AGBL2: variants seen among roughly 807,000 people sequenced by gnomAD.
AGBL2 encodes AGBL carboxypeptidase 2.
A neutral mutation model predicts 103.0 loss-of-function variants in AGBL2; 87 were observed. That is an observed-to-expected ratio of 0.84 (90% CI 0.71 to 1.01). The LOEUF (loss-of-function observed/expected upper bound fraction) is 1.01, where lower values mean the gene tolerates loss of function less well. Among genes scored for constraint, AGBL2 ranks in the 50% least tolerant of loss-of-function variants. The probability of loss-of-function intolerance (pLI) is 0.00; values close to 1 mark genes in which losing one functional copy is unlikely to be tolerated. For missense variants in AGBL2, 904 were observed against 1,023.5 expected (o/e 0.88, Z 1.59); for synonymous variants, 335 against 356.7 (o/e 0.94, Z 0.69).
intron 3 of AGBL2, among the ~76,000 whole-genome samples, chr11:47,712,222 TTTAGTACTA>T (rs2097538171): frequency 6.6e-6 from 1 of 152,142 alleles, no homozygotes; most frequent in Non-Finnish European, 1.5e-5. Context: ...GTGATTTGGA[TTTAGTACTA>T]TCAGTGGTTT....
intron 3 of AGBL2, among the ~76,000 whole-genome samples, chr11:47,713,493 C>A (rs1181383340): frequency 6.6e-6 from 1 of 150,952 alleles, no homozygotes; most frequent in Non-Finnish European, 1.5e-5. Context: ...CCACTGCACT[C>A]CAGCCTGGGC....
chr11:47,709,049 G>A (rs779213065), intron 4 of AGBL2, among the ~76,000 whole-genome samples: 25 of 152,146 alleles, frequency 1.6e-4, no homozygotes, highest in Non-Finnish European at 2.9e-4. Flanking sequence ...TTGAACCCGG[G>A]AGGCAGAGGT....
intron 8 of AGBL2, among the ~76,000 whole-genome samples, chr11:47,696,304 C>T (rs757876872): frequency 1.5e-4 from 23 of 151,620 alleles, no homozygotes; most frequent in Non-Finnish European, 2.2e-4. Flanking sequence ...GCTGTGTTGC[C>T]CAGGCTGGAG....
At chr11:47,664,134 CGT>C (rs1342940309) in intron 17 of AGBL2, among the ~76,000 whole-genome samples, 1 of 152,062 alleles carries the variant, frequency 6.6e-6, no homozygotes, top group Non-Finnish European at 1.5e-5. Flanking sequence ...GGATTACAGG[CGT>C]GAGTCACCGT....
intron 18 of AGBL2, among the ~76,000 whole-genome samples, chr11:47,662,052 C>T (rs917754088): frequency 2.6e-5 from 4 of 152,122 alleles, no homozygotes; most frequent in Admixed American, 2.6e-4. Context: ...CCTGGCCTCA[C>T]CACCTCTTTT....
intron 10 of AGBL2, among the ~76,000 whole-genome samples, chr11:47,687,628 C>T (rs1198783523): frequency 1.3e-5 from 2 of 151,844 alleles, no homozygotes; most frequent in Non-Finnish European, 2.9e-5. Context: ...TATGATGTGC[C>T]TGCTCCCTCT....
At chr11:47,708,060 C>T (rs2097526425) in intron 4 of AGBL2, among the ~76,000 whole-genome samples, 1 of 151,638 alleles carries the variant, frequency 6.6e-6, no homozygotes, top group African/African-American at 2.4e-5. Context: ...CCACCATGTT[C>T]AGATTTAGTC....
At chr11:47,695,136 C>A (rs907113866) in intron 8 of AGBL2, among the ~76,000 whole-genome samples, 2 of 149,670 alleles carry the variant, frequency 1.3e-5, no homozygotes, top group Admixed American at 6.7e-5. Context: ...GGCAACAGAC[C>A]GAGACTCCGT....
rs1350679772 is a variant in AGBL2 at position 47,660,048 on chromosome 11, C to A, written c.*125G>T. The A allele has an allele frequency of 2.0e-6, 2 of 1,023,232 alleles. No homozygotes were observed. Among genetic ancestry groups the A allele is most frequent in the East Asian group, 5.2e-5 (2 of 38,520 alleles). The allele number at this position is 1,023,232 out of a possible 1,614,324, so 63.4% of individuals were successfully genotyped here. A position where few individuals can be genotyped will look rare whatever the true frequency, so the allele number is the denominator to read the frequency against. ...GTAAGTACAAAGTGTAAGGTCAGTG[C>A]ATGAGTGCACAACACAGTATACCAC... On this transcript the variant is annotated 3_prime_UTR_variant, in exon 19 of 19. Transcript: ENST00000525123.
chr11:47,673,956 G>A (rs7116970), intron 14 of AGBL2, among the ~76,000 whole-genome samples: 52,862 of 151,254 alleles, frequency 0.35, 10,424 homozygotes, highest in South Asian at 0.52. Context: ...GCCAGCCGTG[G>A]TGGTGGGCAC....
chr11:47,678,330 A>ATTATTTTTTTTTTTTTTTTTT (rs1565026506), intron 13 of AGBL2, among the ~76,000 whole-genome samples: 1 of 114,380 alleles, frequency 8.7e-6, no homozygotes, highest in Non-Finnish European at 2.0e-5. Flanking sequence ...ATTTTATTTT[A>ATTATTTTTTTTTTTTTTTTTT]TTTTATTATT....
Position 47,705,916 on chromosome 11 carries a change from C to A in AGBL2, c.234G>T (p.Trp78Cys). The A allele has an allele frequency of 6.2e-7, 1 of 1,613,946 alleles. No individual in the cohort carries two copies. ...PDTLQKEKLL[W>C]PISLSSAVHR... Reference sequence around the variant, plus strand: ...GCACAGCTGAAGATAAACTGATAGGCCCTAGAAAGAGGAAGAGGAGGCACC... The same window carrying A: ...GCACAGCTGAAGATAAACTGATAGGACCTAGAAAGAGGAAGAGGAGGCACC... Residue 78 changes from tryptophan to cysteine, a missense_variant and splice_region_variant, in exon 5 of 19, where the codon TGG (tryptophan) becomes TGT (cysteine). Physicochemically the swap from Trp to Cys is radical, Grantham distance 215 (BLOSUM62 -2). Transcript: ENST00000525123.
intron 8 of AGBL2, among the ~76,000 whole-genome samples, chr11:47,692,775 A>G (rs1182804538): frequency 6.6e-6 from 1 of 151,710 alleles, no homozygotes; most frequent in African/African-American, 2.4e-5. Flanking sequence ...ATCCACTGCC[A>G]CATCCAAGGT....
rs1333959978 is a variant in AGBL2 at position 47,667,577 on chromosome 11, A to G, written c.2334T>C (p.Asp778=). The change falls in exon 16 of 19, where the codon GAT becomes GAC. Residue 778 remains aspartate (D), a synonymous_variant. Coordinates refer to ENST00000525123, the MANE Select transcript of AGBL2 (RefSeq NM_024783.4). ...GCCAGCAAGTCTTTCTTACTGAGGT[A>G]TCTTCTGTTAACTTTAACTTCTGCA... ...NLMQKLKLTE[D]TSEKAGFAST... The G allele has an allele frequency of 3.7e-6, 6 of 1,613,934 alleles. No individual in the cohort carries two copies. Among genetic ancestry groups the G allele is most frequent in the Non-Finnish European group, 5.1e-6 (6 of 1,179,968 alleles).
chr11:47,680,268 G>A (rs2097396244), intron 12 of AGBL2, among the ~76,000 whole-genome samples, 195 bp from the exon 13 acceptor site: 2 of 151,378 alleles, frequency 1.3e-5, no homozygotes, highest in South Asian at 2.1e-4. Context: ...TGGCTAACAT[G>A]GTGAAAGCTC....
In AGBL2 at chr11:47,690,505, G is replaced by A. The variant is rs145940353; in HGVS notation, c.1202C>T (p.Thr401Ile). The A allele has an allele frequency of 5.0e-6, 8 of 1,614,056 alleles. No homozygotes were observed. The African/African-American group carries it at 8.0e-5, about 16-fold the overall frequency. The change falls in exon 10 of 19, where the codon ACT becomes ATT. Residue 401 changes from threonine (T) to isoleucine (I), a missense_variant. Physicochemically the swap from Thr to Ile is moderately conservative, Grantham distance 89. Transcript: ENST00000525123. The part of the protein sequence containing the change: ...FFAHFYPYTY[T>I]DLQCYLLSVA... ...TGACAGGAGGTAGCATTGCAAATCA[G>A]TGTATGTATATGGGTAGAAGTGTGC...
intron 11 of AGBL2, among the ~76,000 whole-genome samples, chr11:47,683,996 T>C (rs1016331179): frequency 1.3e-5 from 2 of 151,194 alleles, no homozygotes; most frequent in Admixed American, 1.3e-4. Flanking sequence ...CTCAAGCTTG[T>C]AATCCCAACA....
At chr11:47,668,208 CAA>C (rs34571219) in intron 15 of AGBL2, among the ~76,000 whole-genome samples, 65 of 95,078 alleles carry the variant, frequency 6.8e-4, no homozygotes, top group Admixed American at 1.1e-3. Flanking sequence ...GACTCCATCT[CAA>C]AAAAAAAAAA....
At chr11:47,683,196 C>T (rs188377854) in intron 11 of AGBL2, among the ~76,000 whole-genome samples, 285 of 151,956 alleles carry the variant, frequency 1.9e-3, no homozygotes, top group Middle Eastern at 0.014. Context: ...GATGGCGAAA[C>T]CCCGACTCTA....
Sources: allele counts gnomAD v4.1 joint callset (sites outside exome capture counted in the v4.1 genomes callset), GRCh38; gene constraint gnomAD v4.1.1; transcripts MANE v1.5; gene names NCBI Gene and HGNC (gene_info 2026-07-23, HGNC 2026-07-21).